ABCC2: variants seen among roughly 807,000 people sequenced by gnomAD.
The protein encoded by ABCC2 is ATP-binding cassette sub-family C member 2.
A neutral mutation model predicts 173.4 loss-of-function variants in ABCC2; 157 were observed. That is an observed-to-expected ratio of 0.91 (90% CI 0.80 to 1.03). ABCC2 has a LOEUF of 1.03. Among genes scored for constraint, ABCC2 ranks in the 50% least tolerant of loss-of-function variants. ABCC2 has a pLI of 0.00. For synonymous variants in ABCC2, 657 were observed against 693.5 expected (o/e 0.95, Z 0.83); for missense variants, 1,822 against 1,852.3 (o/e 0.98, Z 0.30).
chr10:99,808,009 G>A, intron 12 of ABCC2, 74 bp from the exon 13 acceptor site: 2 of 1,555,106 alleles, frequency 1.3e-6, no homozygotes, highest in South Asian at 1.1e-5. Flanking sequence ...CTGATATATG[G>A]TGTTCCTGAA....
chr10:99,848,837 T>C (rs2039052678), intron 30 of ABCC2, among the ~76,000 whole-genome samples: 1 of 152,120 alleles, frequency 6.6e-6, no homozygotes, highest in Non-Finnish European at 1.5e-5. Context: ...ATCGTCAGTT[T>C]ACTTTCCCTC....
chr10:99,817,370 C>A lies in ABCC2; in HGVS notation c.2157C>A (p.Ile719=), dbSNP rs747002822. The change falls in exon 17 of 32, where the codon ATC becomes ATA. Residue 719 remains isoleucine, a synonymous_variant. Coordinates refer to ENST00000647814, the MANE Select transcript of ABCC2 (RefSeq NM_000392.5). ...WIQNGTIKDN[I]LFGTEFNEKR... is the part of the protein sequence containing the mutation. The stretch of plus-strand genomic sequence containing the variant: ...AGAATGGCACCATAAAGGACAACAT[C>A]CTTTTTGGAACAGAGTTTAATGAAA... 2 of 1,614,174 alleles carry A rather than the reference C, an allele frequency of 1.2e-6. No homozygotes were observed. Among genetic ancestry groups the A allele is most frequent in the South Asian group, 2.2e-5 (2 of 91,086 alleles).
In ABCC2 at chr10:99,848,991, G is replaced by A. The variant is rs559747258; in HGVS notation, c.4314-1611G>A. On this transcript the variant is annotated intron_variant, in intron 30 of 31. Transcript: ENST00000647814. ...TGTAATCCCAGCACTTTGGGAGGCC[G>A]AGGCAGCCGGATCACCTGAGGTCGG... 1.3e-4 allele frequency among the ~76,000 whole-genome samples: 20 copies of A among 152,298 alleles called. 1 individual carries two copies. The South Asian group carries it at 3.3e-3, about 25-fold the overall frequency.
At chr10:99,847,783 G>A (rs2039039169) in intron 30 of ABCC2, among the ~76,000 whole-genome samples, 1 of 151,500 alleles carries the variant, frequency 6.6e-6, no homozygotes, top group Non-Finnish European at 1.5e-5. Context: ...ACTGGGTGTG[G>A]TGGCAGGCGC....
chr10:99,792,024 C>T (rs2037818621), intron 2 of ABCC2, among the ~76,000 whole-genome samples: 2 of 152,196 alleles, frequency 1.3e-5, no homozygotes, highest in African/African-American at 2.4e-5. Context: ...TAAAACTTCA[C>T]ACTCAGCATT....
chr10:99,821,276 C>T (rs181694996), intron 19 of ABCC2, among the ~76,000 whole-genome samples: 25 of 152,276 alleles, frequency 1.6e-4, no homozygotes, highest in East Asian at 7.7e-4. Context: ...GGTTTTATAC[C>T]GAGACATTCC....
At chr10:99,814,174 CACAT>C (rs1263235929) in intron 16 of ABCC2, among the ~76,000 whole-genome samples, 1,036 of 83,138 alleles carry the variant, frequency 0.012, 94 homozygotes, top group African/African-American at 0.013. Context: ...TATATATACA[CACAT>C]GTATGTATAC....
At position 99,813,802 on chromosome 10, in the gene ABCC2, G is replaced by C. The variant is rs79596444; in HGVS notation, c.2094+658G>C. 2.0e-4 allele frequency among the ~76,000 whole-genome samples: 30 copies of C among 152,110 alleles called. No homozygotes were observed. In the East Asian group the frequency reaches 5.4e-3, roughly 27 times the overall value. On this transcript the variant is annotated intron_variant, in intron 16 of 31. Coordinates refer to ENST00000647814, the MANE Select transcript of ABCC2 (RefSeq NM_000392.5). ...CAAAACTGTACAATAAAAATAACAG[G>C]ACCTAGGGGAAAAGAATTGTAATAG...
rs765753179 is a variant in ABCC2, at chr10:99,841,963, A to G, written c.3615-4A>G. 10 of 1,614,014 alleles carry G rather than the reference A, an allele frequency of 6.2e-6. No individual in the cohort carries two copies. In the African/African-American group the frequency reaches 8.0e-5, roughly 13 times the overall value. ...ACGCACTCTCTGGTTCTGTTGCCCCACAGGTGGCTTGCAATTCGCCTGGAG... is the reference window on the plus strand; with the variant it reads ...ACGCACTCTCTGGTTCTGTTGCCCCGCAGGTGGCTTGCAATTCGCCTGGAG... On this transcript the variant is annotated splice_region_variant and splice_polypyrimidine_tract_variant and intron_variant, in intron 25 of 31. Transcript: ENST00000647814.
chr10:99,804,250 T>C lies in ABCC2; in HGVS notation c.1441T>C (p.Ser481Pro). The stretch of plus-strand genomic sequence containing the variant: ...TGTAATCCCAATTAATGCGATACTG[T>C]CCACCAAGAGTAAGACCATTCAGGT... Reference protein sequence around the residue: ...VLVIPINAILSTKSKTIQVKN... With the variant: ...VLVIPINAILPTKSKTIQVKN... Residue 481 changes from serine (S) to proline (P), a missense_variant, in exon 10 of 32, where the codon TCC becomes CCC. Coordinates refer to ENST00000647814, the MANE Select transcript of ABCC2 (RefSeq NM_000392.5). 2 of 1,614,040 alleles carry C rather than the reference T, an allele frequency of 1.2e-6. No homozygotes were observed. The highest frequency in any genetic ancestry group is 1.7e-6 in the Non-Finnish European group (2 of 1,179,978).
rs2038739243 is a variant in ABCC2, at chr10:99,831,622, C to T, written c.2895C>T (p.Ser965=). 1 of 1,614,068 alleles carries T rather than the reference C, an allele frequency of 6.2e-7. No individual in the cohort carries two copies. ...TGGGGACTTTGCAGGTGAAGTTCTCCATCTACCTGGAGTACCTACAAGCAA... is the reference window on the plus strand; with the variant it reads ...TGGGGACTTTGCAGGTGAAGTTCTCTATCTACCTGGAGTACCTACAAGCAA... ...EFIETGKVKF[S]IYLEYLQAIG... Residue 965 remains serine, a synonymous_variant, in exon 22 of 32, where the codon TCC becomes TCT. Transcript: ENST00000647814.
intron 11 of ABCC2, among the ~76,000 whole-genome samples, chr10:99,806,464 C>T (rs1225379871): frequency 6.6e-6 from 1 of 151,982 alleles, no homozygotes; most frequent in African/African-American, 2.4e-5. Context: ...GGAGTGAGGC[C>T]CAGACATGTG....
At chr10:99,828,860 A>G (rs2038690086) in intron 19 of ABCC2, among the ~76,000 whole-genome samples, 1 of 151,974 alleles carries the variant, frequency 6.6e-6, no homozygotes, top group Non-Finnish European at 1.5e-5. Flanking sequence ...ACAGAGCCAC[A>G]TAGTCAGCCG....
In ABCC2 at chr10:99,843,799, A is replaced by G. The variant is rs1209235053; in HGVS notation, c.3742A>G (p.Ile1248Val). The G allele has an allele frequency of 1.9e-6, 3 of 1,613,450 alleles. No individual in the cohort carries two copies. Among genetic ancestry groups the G allele is most frequent in the Non-Finnish European group, 2.5e-6 (3 of 1,179,554 alleles). ...VGFVLSNALN[I>V]TQTLNWLVRM... The stretch of plus-strand genomic sequence containing the variant: ...TTTCAGTCTTCTGGTTTTTCTGTAG[A>G]TCACACAAACCCTGAACTGGCTGGT... The change falls in exon 27 of 32, where the codon ATC becomes GTC. Residue 1248 changes from isoleucine to valine, a missense_variant and splice_region_variant. By Grantham distance (29) the Ile-to-Val change is conservative. Transcript: ENST00000647814.
chr10:99,826,412 A>G (rs2038639801), intron 19 of ABCC2, among the ~76,000 whole-genome samples: 1 of 149,800 alleles, frequency 6.7e-6, no homozygotes, highest in Non-Finnish European at 1.5e-5. Context: ...GGGCTTTTTC[A>G]TTGGCAATTG....
chr10:99,824,190 G>T (rs893884269), intron 19 of ABCC2, among the ~76,000 whole-genome samples: 1 of 152,104 alleles, frequency 6.6e-6, no homozygotes, highest in Admixed American at 6.6e-5. Context: ...ATTTGACATG[G>T]CATAAGTAGG....
At chr10:99,811,624 C>T (rs2038216212) in intron 15 of ABCC2, 22 bp downstream of exon 15, 2 of 1,613,420 alleles carry the variant, frequency 1.2e-6, no homozygotes, top group East Asian at 2.2e-5. Context: ...TCTTTCCATC[C>T]TAATGTTCTT....
intron 23 of ABCC2, among the ~76,000 whole-genome samples, chr10:99,832,533 G>T (rs543067714): frequency 6.6e-6 from 1 of 152,220 alleles, no homozygotes; most frequent in Non-Finnish European, 1.5e-5. Context: ...AGATGGCAAG[G>T]GTTGGGGGAT....
intron 16 of ABCC2, among the ~76,000 whole-genome samples, chr10:99,814,576 T>TATGTGTATATACACATATACACACAC (rs2038341306): frequency 9.2e-6 from 1 of 108,584 alleles, no homozygotes; most frequent in African/African-American, 3.2e-5. Context: ...TACACACACA[T>TATGTGTATATACACATATACACACAC]ATGTGTATAT....
Sources: allele counts gnomAD v4.1 joint callset (sites outside exome capture counted in the v4.1 genomes callset), GRCh38; gene constraint gnomAD v4.1.1; transcripts MANE v1.5; gene names NCBI Gene and HGNC (gene_info 2026-07-23, HGNC 2026-07-21).